CHODL: variants seen among roughly 807,000 people sequenced by gnomAD.
The protein encoded by CHODL is chondrolectin.
In CHODL, 29 loss-of-function variants were observed where a neutral mutation model predicts 34.5. The observed-to-expected ratio is 0.84, with a 90% confidence interval of 0.63 to 1.15. The LOEUF (loss-of-function observed/expected upper bound fraction) is 1.15, where lower values mean the gene tolerates loss of function less well. Among genes scored for constraint, CHODL ranks in the 50% most tolerant of loss-of-function variants. The pLI is 0.00. For synonymous variants in CHODL, 125 were observed against 116.1 expected, an observed-to-expected ratio of 1.08 and a Z score of -0.49; for missense variants, 332 against 332.5, an observed-to-expected ratio of 1.00 and a Z score of 0.01.
At chr21:18,037,203 A>G (rs968307524) in intron 2 of CHODL, among the ~76,000 whole-genome samples, 1 of 151,988 alleles carries the variant, frequency 6.6e-6, no homozygotes, top group Admixed American at 6.6e-5. Context: ...GAAAACTTAT[A>G]CAGCAAGCGA....
Position 18,108,193 on chromosome 21 carries a change from C to A in CHODL, c.-45+80222C>A, listed in dbSNP as rs569209404. Among the ~76,000 whole-genome samples, 3 of 151,084 alleles carry A rather than the reference C, an allele frequency of 2.0e-5. No homozygotes were observed. The South Asian group carries it at 6.3e-4, about 32-fold the overall frequency. On this transcript the variant is annotated intron_variant, in intron 2 of 6. Coordinates refer to the CHODL transcript ENST00000400127. ...TACTGTATGATCTATTAGCTCTTGGCCTTTGGGAATACTAGTTATGTCTGC... is the reference window on the plus strand; with the variant it reads ...TACTGTATGATCTATTAGCTCTTGGACTTTGGGAATACTAGTTATGTCTGC...
chr21:18,051,952 A>G (rs977144799), intron 2 of CHODL, among the ~76,000 whole-genome samples: 4 of 152,004 alleles, frequency 2.6e-5, no homozygotes, highest in Non-Finnish European at 5.9e-5. Context: ...AAGGCAAAAC[A>G]TATGACAGAG....
At chr21:18,041,128 T>C (rs1043704844) in intron 2 of CHODL, among the ~76,000 whole-genome samples, 4 of 151,968 alleles carry the variant, frequency 2.6e-5, no homozygotes, top group Non-Finnish European at 5.9e-5. Context: ...AAAATTTGTA[T>C]CCTGGCATTG....
chr21:17,950,126 A>G (rs1887286332), intron 1 of CHODL, among the ~76,000 whole-genome samples: 1 of 152,176 alleles, frequency 6.6e-6, no homozygotes, highest in Admixed American at 6.6e-5. Context: ...ACAATATTGA[A>G]CTTATTAAAA....
chr21:18,258,252 T>C (rs536168588), intron 3 of CHODL, among the ~76,000 whole-genome samples: 2 of 152,224 alleles, frequency 1.3e-5, no homozygotes, highest in South Asian at 4.1e-4. Context: ...ATTACCCTCC[T>C]GGAAGTCTTT....
At chr21:17,980,994 A>G (rs2063709414) in intron 1 of CHODL, among the ~76,000 whole-genome samples, 1 of 152,170 alleles carries the variant, frequency 6.6e-6, no homozygotes. Context: ...AATGCAGACA[A>G]TAATGCCAAG....
chr21:18,083,850 A>T (rs931970628), intron 2 of CHODL, among the ~76,000 whole-genome samples: 1 of 152,162 alleles, frequency 6.6e-6, no homozygotes, highest in African/African-American at 2.4e-5. Flanking sequence ...GACAGAAGGG[A>T]CTTGCCTTGC....
intron 2 of CHODL, among the ~76,000 whole-genome samples, chr21:18,206,499 A>G (rs1173275976): frequency 2.1e-5 from 3 of 144,054 alleles, no homozygotes; most frequent in African/African-American, 7.7e-5. Context: ...ACCTTTTTCC[A>G]TTTCTTTATT....
At chr21:17,957,078 G>A (rs2063498207) in intron 1 of CHODL, among the ~76,000 whole-genome samples, 1 of 152,128 alleles carries the variant, frequency 6.6e-6, no homozygotes, top group African/African-American at 2.4e-5. Flanking sequence ...TTGGGGATTA[G>A]GTTTCAACAT....
intron 2 of CHODL, among the ~76,000 whole-genome samples, chr21:18,115,345 A>G (rs1273250499): frequency 2.6e-5 from 4 of 152,192 alleles, no homozygotes; most frequent in African/African-American, 9.6e-5. Context: ...TTGCAATGTT[A>G]AGTGACTGTG....
chr21:17,991,322 G>A (rs765137554), intron 1 of CHODL, among the ~76,000 whole-genome samples: 76 of 152,054 alleles, frequency 5.0e-4, no homozygotes, highest in Non-Finnish European at 9.9e-4. Context: ...TAAATACCCA[G>A]TAGTGTGATT....
intron 5 of CHODL, among the ~76,000 whole-genome samples, chr21:18,264,601 C>CAAAAA (rs564344974): frequency 1.5e-5 from 1 of 68,838 alleles, no homozygotes; most frequent in East Asian, 5.8e-4. Context: ...GGGTCTGTCT[C>CAAAAA]AAAAAAAAAA....
chr21:18,215,810 C>T (rs1180407588), intron 2 of CHODL, among the ~76,000 whole-genome samples: 4 of 152,082 alleles, frequency 2.6e-5, no homozygotes, highest in Non-Finnish European at 5.9e-5. Context: ...CTGGAGAACT[C>T]GCTACTTCTA....
At chr21:18,178,444 C>T (rs1298301457) in intron 2 of CHODL, among the ~76,000 whole-genome samples, 1 of 152,130 alleles carries the variant, frequency 6.6e-6, no homozygotes, top group African/African-American at 2.4e-5. Flanking sequence ...TGCTGGCCCC[C>T]CTTCCAGTTA....
chr21:18,113,235 T>A (rs2065372680), intron 2 of CHODL, among the ~76,000 whole-genome samples: 1 of 152,106 alleles, frequency 6.6e-6, no homozygotes, highest in Non-Finnish European at 1.5e-5. Context: ...CTCACCTCAG[T>A]TATAAAAGAC....
intron 1 of CHODL, among the ~76,000 whole-genome samples, chr21:18,003,299 T>TA (rs952276782): frequency 6.6e-6 from 1 of 151,552 alleles, no homozygotes; most frequent in East Asian, 1.9e-4. Flanking sequence ...CACCTCTTAG[T>TA]AAAAAACCTT....
At chr21:18,092,718 T>C (rs144517843) in intron 2 of CHODL, among the ~76,000 whole-genome samples, 40 of 152,288 alleles carry the variant, frequency 2.6e-4, no homozygotes, top group African/African-American at 9.1e-4. Context: ...GAATAGATTA[T>C]GCAGAAGAAA....
chr21:17,955,776 G>A lies in CHODL; in HGVS notation c.-145+38376G>A, dbSNP rs2063490270. ...CTTTTATAAAAACCTGAAGTGCTGT[G>A]AAGCAAGTCAGGGGATTTGGGTTCC... On this transcript the variant is annotated intron_variant, in intron 1 of 6. Coordinates refer to the CHODL transcript ENST00000400127. 1.5e-5 allele frequency among the ~76,000 whole-genome samples: 2 copies of A among 136,900 alleles called. 1 individual carries two copies. The highest frequency in any genetic ancestry group is 1.4e-4 in the Admixed American group (2 of 13,956). The allele number at this position is 136,900 out of a possible 152,430, so 89.8% of individuals were successfully genotyped here.
At chr21:18,220,670 A>T in intron 2 of CHODL, among the ~76,000 whole-genome samples, 1 of 151,314 alleles carries the variant, frequency 6.6e-6, no homozygotes. Flanking sequence ...AATAGCTTTG[A>T]TGGATATAGT....
Sources: gnomAD v4.1 joint callset for allele counts (sites outside exome capture counted in the v4.1 genomes callset) on GRCh38, gnomAD v4.1.1 for gene constraint, MANE v1.5 for transcripts, NCBI Gene and HGNC (gene_info 2026-07-23, HGNC 2026-07-21) for gene names.